The following TMEM170B variants were observed in gnomAD, a reference collection of about 807,000 sequenced individuals.
TMEM170B encodes the protein transmembrane protein 170B.
Under a neutral mutation model 13.0 loss-of-function variants are expected in TMEM170B, and 6 were observed. The ratio of observed to expected loss-of-function variants is 0.46; its 90% CI spans 0.25 to 0.91. TMEM170B has a LOEUF of 0.91. Among genes scored for constraint, TMEM170B ranks in the 40% least tolerant of loss-of-function variants. TMEM170B has a pLI of 0.17. For missense variants in TMEM170B, 138 were observed against 165.2 expected (o/e 0.84, Z 0.90); for synonymous variants, 61 against 64.9 (o/e 0.94, Z 0.29).
chr6:11,540,027 G>A (rs561472334), intron 1 of TMEM170B, among the ~76,000 whole-genome samples: 25 of 152,258 alleles, frequency 1.6e-4, no homozygotes, highest in African/African-American at 5.8e-4. Context: ...AAGTACAGAC[G>A]TTAATTTAAA....
chr6:11,539,247 A>G (rs1269931833), intron 1 of TMEM170B, among the ~76,000 whole-genome samples: 1 of 152,222 alleles, frequency 6.6e-6, no homozygotes, highest in Non-Finnish European at 1.5e-5. Flanking sequence ...ATTTACGAGA[A>G]AGAGATTCAG....
intron 1 of TMEM170B, among the ~76,000 whole-genome samples, chr6:11,556,552 C>G (rs1759592347): frequency 6.6e-6 from 1 of 152,132 alleles, no homozygotes; most frequent in Non-Finnish European, 1.5e-5. Context: ...GTTAGGCATG[C>G]TCTGTGTATG....
intron 2 of TMEM170B, among the ~76,000 whole-genome samples, chr6:11,573,168 G>A (rs1193052705): frequency 6.6e-6 from 1 of 151,574 alleles, no homozygotes; most frequent in Non-Finnish European, 1.5e-5. Flanking sequence ...CCCTTTTTTT[G>A]TGGTCTTAAG....
chr6:11,545,125 T>G (rs768958319), intron 1 of TMEM170B, among the ~76,000 whole-genome samples: 37 of 152,206 alleles, frequency 2.4e-4, no homozygotes, highest in Non-Finnish European at 1.5e-4. Flanking sequence ...GGATAATTGG[T>G]CCCTGGGAAA....
Position 11,575,283 on chromosome 6 carries a change from G to A in TMEM170B, c.269-148G>A. The A allele has an allele frequency of 1.8e-6, 2 of 1,118,522 alleles. No homozygotes were observed. The highest frequency in any genetic ancestry group is 2.5e-6 in the Non-Finnish European group (2 of 791,434). The allele number at this position is 1,118,522 out of a possible 1,614,324, so 69.3% of individuals were successfully genotyped here. On this transcript the variant is annotated intron_variant, in intron 2 of 2. Coordinates refer to ENST00000379426, the MANE Select transcript of TMEM170B (RefSeq NM_001100829.3). The surrounding 1 kb of genome is among the most constrained non-coding windows in gnomAD (Gnocchi z 4.1). ...TAAGTTGTAACTTTCACCAATCACA[G>A]GGAAACTTTTTCATAGAAAGTGGAT...
intron 1 of TMEM170B, among the ~76,000 whole-genome samples, chr6:11,565,321 A>G (rs1759719546): frequency 6.6e-6 from 1 of 152,240 alleles, no homozygotes; most frequent in Non-Finnish European, 1.5e-5. Flanking sequence ...AAAATAAAAA[A>G]TTCTATTTCA....
chr6:11,573,614 C>T (rs1759834065), intron 2 of TMEM170B, among the ~76,000 whole-genome samples: 1 of 152,182 alleles, frequency 6.6e-6, no homozygotes, highest in African/African-American at 2.4e-5. Context: ...CCATGCTCCT[C>T]ACCTTATGTA....
At chr6:11,540,894 C>T (rs2113759653) in intron 1 of TMEM170B, among the ~76,000 whole-genome samples, 1 of 152,302 alleles carries the variant, frequency 6.6e-6, no homozygotes, top group South Asian at 2.1e-4. Flanking sequence ...CAACATTGAT[C>T]TACTTGGACA....
intron 1 of TMEM170B, among the ~76,000 whole-genome samples, chr6:11,549,787 A>G (rs1036425584): frequency 6.6e-6 from 1 of 152,216 alleles, no homozygotes; most frequent in African/African-American, 2.4e-5. Flanking sequence ...AATAGGAAGA[A>G]CACAATTTCT....
intron 1 of TMEM170B, among the ~76,000 whole-genome samples, chr6:11,552,440 T>C (rs1759537167): frequency 6.6e-6 from 1 of 152,206 alleles, no homozygotes; most frequent in Non-Finnish European, 1.5e-5. Context: ...CTGAGTGTCG[T>C]CATCCAAAAG....
intron 1 of TMEM170B, among the ~76,000 whole-genome samples, chr6:11,551,651 A>G (rs966862801): frequency 2.0e-5 from 3 of 152,240 alleles, no homozygotes; most frequent in African/African-American, 7.2e-5. Context: ...ACTGATGAAC[A>G]AAAGTGAAAA....
intron 1 of TMEM170B, among the ~76,000 whole-genome samples, chr6:11,551,307 T>C (rs1046198105): frequency 7.9e-5 from 12 of 152,224 alleles, no homozygotes; most frequent in African/African-American, 2.7e-4. Flanking sequence ...TATACCATCA[T>C]GTCTGCTGTA....
intron 1 of TMEM170B, among the ~76,000 whole-genome samples, chr6:11,557,029 C>A (rs906208786): frequency 5.3e-5 from 8 of 152,162 alleles, no homozygotes; most frequent in African/African-American, 1.9e-4. Flanking sequence ...GCATTTGTGT[C>A]TGTCACTTGT....
intron 1 of TMEM170B, among the ~76,000 whole-genome samples, chr6:11,553,692 T>G (rs75793879): frequency 0.058 from 8,791 of 152,276 alleles, 275 homozygotes; most frequent in East Asian, 0.16. Context: ...TTTACTAGGA[T>G]TTAAGAAAAA....
At chr6:11,549,523 C>T (rs1197310232) in intron 1 of TMEM170B, among the ~76,000 whole-genome samples, 1 of 151,966 alleles carries the variant, frequency 6.6e-6, no homozygotes, top group Non-Finnish European at 1.5e-5. Context: ...GTTAGCCAGG[C>T]GTAGTGGCGG....
intron 1 of TMEM170B, among the ~76,000 whole-genome samples, chr6:11,553,584 G>A (rs962996491): frequency 4.6e-5 from 7 of 152,068 alleles, no homozygotes; most frequent in African/African-American, 1.7e-4. Context: ...TCCCAGGCCT[G>A]TTTCCTCACT....
intron 1 of TMEM170B, among the ~76,000 whole-genome samples, chr6:11,549,970 T>C (rs1759501979): frequency 6.6e-6 from 1 of 152,166 alleles, no homozygotes; most frequent in Admixed American, 6.5e-5. Context: ...TCATTTGGTA[T>C]GTTATCCCAT....
rs930849111 is a variant in TMEM170B, at chr6:11,579,388, A to G, written c.*3827A>G. The G allele has an allele frequency of 1.3e-5, 2 of 152,252 alleles. No individual in the cohort carries two copies. The highest frequency in any genetic ancestry group is 2.4e-5 in the African/African-American group (1 of 41,464). 9.4% of individuals were successfully genotyped at this position (152,252 alleles called of 1,614,324 possible). A position where few individuals can be genotyped will look rare whatever the true frequency, so the allele number is the denominator to read the frequency against. ...TTGTGAGGATTACGTGAGATTGTTT[A>G]TGAATGGCAAAGCAGTATGTATTTC... On this transcript the variant is annotated 3_prime_UTR_variant, in exon 3 of 3. Transcript: ENST00000379426.
chr6:11,581,077 A>T lies in TMEM170B; in HGVS notation c.*5516A>T, dbSNP rs1759950162. On this transcript the variant is annotated 3_prime_UTR_variant, in exon 3 of 3. Coordinates refer to ENST00000379426, the MANE Select transcript of TMEM170B (RefSeq NM_001100829.3). ...TGAAGTATTTTCAGTAAATGTGGAG[A>T]TATATCAGATAATACTTTTAAATTA... 6.6e-6 allele frequency: 1 copy of T among 152,232 alleles called. No individual in the cohort carries two copies. The highest frequency in any genetic ancestry group is 2.4e-5 in the African/African-American group (1 of 41,458). 9.4% of individuals were successfully genotyped at this position (152,232 alleles called of 1,614,324 possible).
Sources: gnomAD v4.1 joint callset for allele counts (sites outside exome capture counted in the v4.1 genomes callset) on GRCh38, gnomAD v4.1.1 for gene constraint, Gnocchi (gnomAD v3.1) non-coding constraint, MANE v1.5 for transcripts, NCBI Gene and HGNC (gene_info 2026-07-23, HGNC 2026-07-21) for gene names.